CD2: variants seen among roughly 807,000 people sequenced by gnomAD.
CD2 encodes the protein CD2 molecule, also known as T-cell surface antigen CD2.
A neutral mutation model predicts 23.2 loss-of-function variants in CD2; 18 were observed. That is an observed-to-expected ratio of 0.77 (90% CI 0.54 to 1.15). The LOEUF (loss-of-function observed/expected upper bound fraction) is 1.15. Among genes scored for constraint, CD2 ranks in the 50% most tolerant of loss-of-function variants. The probability of loss-of-function intolerance (pLI) is 0.00; values close to 1 mark genes in which losing one functional copy is unlikely to be tolerated. For synonymous variants in CD2, 162 were observed against 151.9 expected, an observed-to-expected ratio of 1.07 and a Z score of -0.49; for missense variants, 424 against 423.1, an observed-to-expected ratio of 1.00 and a Z score of -0.02.
At chr1:116,756,301 C>A (rs922900408) in intron 2 of CD2, among the ~76,000 whole-genome samples, 1 of 152,122 alleles carries the variant, frequency 6.6e-6, no homozygotes, top group Non-Finnish European at 1.5e-5. Flanking sequence ...GAGTGTGAGC[C>A]CTACGCGGGG....
At chr1:116,764,654 A>G in intron 4 of CD2, 48 bp downstream of exon 4, 8 of 1,395,346 alleles carry the variant, frequency 5.7e-6, no homozygotes, top group Non-Finnish European at 8.1e-6. Flanking sequence ...CAAAATCCCC[A>G]TGAAACAGCT....
At chr1:116,761,524 T>C (rs1426765877) in intron 3 of CD2, among the ~76,000 whole-genome samples, 4 of 152,196 alleles carry the variant, frequency 2.6e-5, no homozygotes, top group Non-Finnish European at 5.9e-5. Context: ...CAGAGCCCTC[T>C]AAGAAAGAGC....
chr1:116,761,617 C>A (rs1035183147), intron 3 of CD2, among the ~76,000 whole-genome samples: 2 of 152,168 alleles, frequency 1.3e-5, no homozygotes, highest in African/African-American at 4.8e-5. Context: ...CTGCTGTGTT[C>A]TGTTCATTAG....
rs577483587 is a variant in CD2 at position 116,764,430 on chromosome 1, A to G, written c.614-54A>G. ...GGAGGCAGCATCCTTGGCCAGAGTAATGGGCTCTCTGCCTGGACCCCTCCC... is the reference window on the plus strand; with the variant it reads ...GGAGGCAGCATCCTTGGCCAGAGTAGTGGGCTCTCTGCCTGGACCCCTCCC... On this transcript the variant is annotated intron_variant, in intron 3 of 4. Transcript: ENST00000369478. 3 of 1,594,976 alleles carry G rather than the reference A, an allele frequency of 1.9e-6. No individual in the cohort carries two copies. The South Asian group carries it at 3.4e-5, about 18-fold the overall frequency.
chr1:116,758,349 G>A (rs554412672), intron 2 of CD2, among the ~76,000 whole-genome samples: 1 of 152,136 alleles, frequency 6.6e-6, no homozygotes, highest in East Asian at 1.9e-4. Context: ...GAGCAAATAA[G>A]CATTTCTGTG....
At chr1:116,762,173 T>C (rs1221030559) in intron 3 of CD2, among the ~76,000 whole-genome samples, 1 of 152,170 alleles carries the variant, frequency 6.6e-6, no homozygotes, top group East Asian at 1.9e-4. Context: ...CAAATAAAAA[T>C]ACAGCATAAG....
chr1:116,759,407 G>A (rs1216068964), intron 2 of CD2, among the ~76,000 whole-genome samples: 1 of 150,506 alleles, frequency 6.6e-6, no homozygotes, highest in Non-Finnish European at 1.5e-5. Context: ...GCAAGTCTGG[G>A]GGGAACAAAG....
chr1:116,761,165 G>A (rs1652039664), intron 3 of CD2, among the ~76,000 whole-genome samples: 2 of 152,130 alleles, frequency 1.3e-5, no homozygotes, highest in Non-Finnish European at 2.9e-5. Flanking sequence ...ACAACAGGAC[G>A]GCAAGGCTTG....
intron 3 of CD2, among the ~76,000 whole-genome samples, chr1:116,761,693 A>C (rs966624304): frequency 1.1e-4 from 16 of 152,210 alleles, no homozygotes; most frequent in African/African-American, 3.9e-4. Flanking sequence ...GAATACCAGG[A>C]AGCAGGGGTC....
At chr1:116,755,050 T>A (rs1651793898) in intron 2 of CD2, 99 bp downstream of exon 2, 3 of 801,526 alleles carry the variant, frequency 3.7e-6, no homozygotes, top group East Asian at 5.2e-5. Flanking sequence ...GACCTCTGCC[T>A]CCAGGGGGGC....
intron 3 of CD2, among the ~76,000 whole-genome samples, chr1:116,762,330 G>A (rs765711285): frequency 3.9e-5 from 6 of 151,952 alleles, no homozygotes; most frequent in African/African-American, 1.5e-4. Context: ...GTATAAATAT[G>A]TGTGTGTATT....
chr1:116,762,923 C>T (rs762797950), intron 3 of CD2, among the ~76,000 whole-genome samples: 2 of 152,208 alleles, frequency 1.3e-5, no homozygotes, highest in South Asian at 2.1e-4. Flanking sequence ...CCACCCTACC[C>T]GATGACTTGG....
At chr1:116,760,221 T>C (rs1651998155) in intron 2 of CD2, among the ~76,000 whole-genome samples, 181 bp from the exon 3 acceptor site, 1 of 152,176 alleles carries the variant, frequency 6.6e-6, no homozygotes, top group African/African-American at 2.4e-5. Context: ...TCATCAGAAA[T>C]AATTTTTTTC....
At position 116,768,549 on chromosome 1, in the gene CD2, G is replaced by C. The variant is rs745624462; in HGVS notation, c.822G>C (p.Gln274His). 6.2e-7 allele frequency: 1 copy of C among 1,614,074 alleles called. No homozygotes were observed. The highest frequency in any genetic ancestry group is 8.5e-7 in the Non-Finnish European group (1 of 1,179,996). The change falls in exon 5 of 5, where the codon CAG (glutamine) becomes CAC (histidine). Residue 274 changes from glutamine to histidine, a missense_variant. By Grantham distance (24) the Gln-to-His change is conservative. Transcript: ENST00000369478. ...KPHQIPASTP[Q>H]NPATSQHPPP... Reference sequence around the variant, plus strand: ...ACCAAATTCCAGCTTCAACCCCTCAGAATCCAGCAACTTCCCAACATCCTC... The same window carrying C: ...ACCAAATTCCAGCTTCAACCCCTCACAATCCAGCAACTTCCCAACATCCTC...
Position 116,755,419 on chromosome 1 carries a change from C to T in CD2, c.382+468C>T, listed in dbSNP as rs148531160. ...TATGGCAGAAAAGGGCTGGAAACAA[C>T]ATATTTAAGGATGAACAGCCCTTAT... On this transcript the variant is annotated intron_variant, in intron 2 of 4. Transcript: ENST00000369478. Among the ~76,000 whole-genome samples the T allele has an allele frequency of 1.1e-3, 163 of 152,298 alleles. 1 individual carries two copies. The highest frequency in any genetic ancestry group is 3.9e-3 in the African/African-American group (160 of 41,558).
intron 2 of CD2, 38 bp downstream of exon 2, chr1:116,754,989 G>A: frequency 1.4e-6 from 2 of 1,427,910 alleles, no homozygotes; most frequent in Non-Finnish European, 1.9e-6. Flanking sequence ...ATTTCAGTGT[G>A]GGTGCTATTT....
In CD2 at chr1:116,768,549, G is replaced by A. The variant is rs745624462; in HGVS notation, c.822G>A (p.Gln274=). ...ACCAAATTCCAGCTTCAACCCCTCA[G>A]AATCCAGCAACTTCCCAACATCCTC... ...KPHQIPASTP[Q]NPATSQHPPP... Residue 274 remains glutamine, a synonymous_variant, in exon 5 of 5, where the codon CAG becomes CAA. Transcript: ENST00000369478. The A allele has an allele frequency of 6.2e-7, 1 of 1,614,074 alleles. No homozygotes were observed. Among genetic ancestry groups the A allele is most frequent in the Admixed American group, 1.7e-5 (1 of 60,010 alleles).
In CD2 at chr1:116,756,991, C is replaced by T. The variant is rs74841189; in HGVS notation, c.382+2040C>T. 1.5e-3 allele frequency among the ~76,000 whole-genome samples: 161 copies of T among 104,586 alleles called. 4 individuals are homozygous for T. Among genetic ancestry groups the T allele is most frequent in the South Asian group, 2.3e-3 (6 of 2,602 alleles). 68.6% of individuals were successfully genotyped at this position (104,586 alleles called of 152,430 possible). On this transcript the variant is annotated intron_variant, in intron 2 of 4. Coordinates refer to ENST00000369478, the MANE Select transcript of CD2 (RefSeq NM_001767.5). The stretch of plus-strand genomic sequence containing the variant: ...CATCTCTTTGTTTCTCCAAGCTTCT[C>T]TTTTTTTTTTTTTTTTTTTAATTGA...
chr1:116,769,016 A>T lies in CD2; in HGVS notation c.*233A>T, dbSNP rs752480475. ...AGTAAGGAGAAGCAATATAAGTGTG[A>T]TTGCAAGAATGGTAGAGGACCGAGC... is the stretch of plus-strand genomic sequence containing the variant. On this transcript the variant is annotated 3_prime_UTR_variant, in exon 5 of 5. Transcript: ENST00000369478. The T allele has an allele frequency of 1.9e-6, 1 of 521,560 alleles. No individual in the cohort carries two copies. Among genetic ancestry groups the T allele is most frequent in the Non-Finnish European group, 3.4e-6 (1 of 295,628 alleles). 32.3% of individuals were successfully genotyped at this position (521,560 alleles called of 1,614,324 possible). A position where few individuals can be genotyped will look rare whatever the true frequency, so the allele number is the denominator to read the frequency against.
Sources: allele counts gnomAD v4.1 joint callset (sites outside exome capture counted in the v4.1 genomes callset), GRCh38; gene constraint gnomAD v4.1.1; transcripts MANE v1.5; gene names NCBI Gene and HGNC (gene_info 2026-07-23, HGNC 2026-07-21).